CTNND2: variants seen among roughly 807,000 people sequenced by gnomAD.
The protein encoded by CTNND2 is catenin delta-2.
CTNND2 carries 22 observed loss-of-function variants against 144.4 expected under a neutral mutation model. That is an observed-to-expected ratio of 0.15 (90% CI 0.11 to 0.22). The LOEUF (loss-of-function observed/expected upper bound fraction) is 0.22, where lower values mean the gene tolerates loss of function less well. Ranked by LOEUF, CTNND2 falls within the 10% of genes least tolerant of loss-of-function variation. The pLI is 1.00. For missense variants in CTNND2, 1,353 were observed against 1,618.8 expected (o/e 0.84, Z 2.82); for synonymous variants, 751 against 695.6 (o/e 1.08, Z -1.25).
chr5:11,859,885 T>C (rs1795424434), intron 1 of CTNND2, among the ~76,000 whole-genome samples: 1 of 152,164 alleles, frequency 6.6e-6, no homozygotes, highest in African/African-American at 2.4e-5. Context: ...TTAACACCTA[T>C]ACTTACCACA....
rs192374881 is a variant in CTNND2, at chr5:11,741,056, A to C, written c.38-8784T>G. Among the ~76,000 whole-genome samples, 650 of 152,350 alleles carry C rather than the reference A, an allele frequency of 4.3e-3. 8 individuals are homozygous for C. Among genetic ancestry groups the C allele is most frequent in the African/African-American group, 0.015 (629 of 41,580 alleles). On this transcript the variant is annotated intron_variant, in intron 1 of 21. Coordinates refer to ENST00000304623, the MANE Select transcript of CTNND2 (RefSeq NM_001332.4). ...CCAGTTAGAATGGCGATCATTAAAA[A>C]GTCAGGAAACAACAGATGCTGGAGA...
Position 11,018,071 on chromosome 5 carries a change from A to G in CTNND2, c.3000-13T>C. 4 of 1,600,400 alleles carry G rather than the reference A, an allele frequency of 2.5e-6. No homozygotes were observed. Among genetic ancestry groups the G allele is most frequent in the Non-Finnish European group, 2.6e-6 (3 of 1,167,792 alleles). ...TTTTGGAGAGTGTCTGATGAAGAAA[A>G]GACAGGAAAGGCAAGATGTGAGTGG... On this transcript the variant is annotated splice_polypyrimidine_tract_variant and intron_variant, in intron 17 of 21. Coordinates refer to ENST00000304623, the MANE Select transcript of CTNND2 (RefSeq NM_001332.4).
intron 1 of CTNND2, among the ~76,000 whole-genome samples, chr5:11,823,527 C>T (rs375798066): frequency 7.9e-5 from 12 of 152,036 alleles, no homozygotes; most frequent in Admixed American, 6.5e-4. Context: ...ATGATAAAAA[C>T]GTAAATATCA....
chr5:11,855,524 G>C (rs142127185), intron 1 of CTNND2, among the ~76,000 whole-genome samples: 1 of 152,248 alleles, frequency 6.6e-6, no homozygotes, highest in Non-Finnish European at 1.5e-5. Flanking sequence ...AAGACCAGTG[G>C]AGAGGAGATC....
chr5:11,517,922 G>A (rs553043552), intron 3 of CTNND2, among the ~76,000 whole-genome samples: 7 of 152,054 alleles, frequency 4.6e-5, no homozygotes, highest in South Asian at 4.2e-4. Context: ...TTAGATCTTC[G>A]GACACAGACA....
At chr5:11,795,542 T>G (rs1051202923) in intron 1 of CTNND2, among the ~76,000 whole-genome samples, 4 of 151,524 alleles carry the variant, frequency 2.6e-5, no homozygotes, top group African/African-American at 9.7e-5. Context: ...CAGTGAGGAG[T>G]CAGATTCCAT....
chr5:11,022,746 T>C, intron 17 of CTNND2, 23 bp downstream of exon 17: 1 of 1,597,784 alleles, frequency 6.3e-7, no homozygotes, highest in Non-Finnish European at 8.6e-7. Context: ...AGGACAGAGA[T>C]ATGGCGTCAC....
At chr5:11,771,512 G>T (rs1325875815) in intron 1 of CTNND2, among the ~76,000 whole-genome samples, 1 of 152,064 alleles carries the variant, frequency 6.6e-6, no homozygotes, top group African/African-American at 2.4e-5. Context: ...TTAGAGAAAA[G>T]TCAATGTTAA....
intron 3 of CTNND2, among the ~76,000 whole-genome samples, chr5:11,529,832 C>T (rs1425046472): frequency 1.3e-5 from 2 of 151,996 alleles, no homozygotes; most frequent in African/African-American, 4.8e-5. Flanking sequence ...GGTTTATTGT[C>T]TTTAAAATTA....
At chr5:11,258,586 TG>T (rs1370197052) in intron 9 of CTNND2, among the ~76,000 whole-genome samples, 4 of 152,236 alleles carry the variant, frequency 2.6e-5, no homozygotes, top group African/African-American at 9.7e-5. Context: ...AGTTTCGCTT[TG>T]TCTACTCTTT....
rs74289275 is a variant in CTNND2, at chr5:11,514,834, G to A, written c.287+50110C>T. Among the ~76,000 whole-genome samples, 1,080 of 152,170 alleles carry A rather than the reference G, an allele frequency of 7.1e-3. 11 individuals are homozygous for A. Among genetic ancestry groups the A allele is most frequent in the Non-Finnish European group, 0.012 (832 of 68,012 alleles). On this transcript the variant is annotated intron_variant, in intron 3 of 21. Transcript: ENST00000304623. ...TATTTCTTTCTTGAGACTTAGTCCC[G>A]CTCTGTCGCCCAAGATGGAGTGCAG... is the stretch of plus-strand genomic sequence containing the variant.
At chr5:11,721,397 G>A (rs1224885253) in intron 2 of CTNND2, among the ~76,000 whole-genome samples, 1 of 152,036 alleles carries the variant, frequency 6.6e-6, no homozygotes, top group Non-Finnish European at 1.5e-5. Flanking sequence ...TTCACCCCAG[G>A]CTACATAGAA....
intron 12 of CTNND2, among the ~76,000 whole-genome samples, chr5:11,155,869 T>A (rs1758173543): frequency 6.6e-6 from 1 of 152,236 alleles, no homozygotes. Flanking sequence ...ATTTTACATT[T>A]CATATGTGCT....
rs115121604 is a variant in CTNND2 at position 11,309,090 on chromosome 5, G to A, written c.1628+37282C>T. Among the ~76,000 whole-genome samples, 434 of 152,318 alleles carry A rather than the reference G, an allele frequency of 2.8e-3. 4 individuals carry two copies. Among genetic ancestry groups the A allele is most frequent in the Middle Eastern group, 0.01 (3 of 294 alleles). ...TCCTGTCTTCCAACATTGGGGATTCGAATTTGACATGAGATTTGGGCAGGG... is the reference window on the plus strand; with the variant it reads ...TCCTGTCTTCCAACATTGGGGATTCAAATTTGACATGAGATTTGGGCAGGG... On this transcript the variant is annotated intron_variant, in intron 9 of 21. Coordinates refer to ENST00000304623, the MANE Select transcript of CTNND2 (RefSeq NM_001332.4).
rs1475310094 is a variant in CTNND2 at position 11,799,580 on chromosome 5, T to A, written c.38-67308A>T. Among the ~76,000 whole-genome samples the A allele has an allele frequency of 9.9e-5, 15 of 152,176 alleles. 1 individual carries two copies. The highest frequency in any genetic ancestry group is 9.2e-4 in the Admixed American group (14 of 15,274). ...TTGTTCACTGACACAATATACAGAC[T>A]TTTTTGTGGAATTTAATAGGAAAAG... On this transcript the variant is annotated intron_variant, in intron 1 of 21. Transcript: ENST00000304623.
chr5:11,161,878 G>A (rs1758793472), intron 11 of CTNND2, among the ~76,000 whole-genome samples: 1 of 152,164 alleles, frequency 6.6e-6, no homozygotes, highest in Non-Finnish European at 1.5e-5. Context: ...CAGGCAGGGT[G>A]CAATGGCTCA....
rs145132767 is a variant in CTNND2 at position 11,199,119 on chromosome 5, G to A, written c.1975+329C>T. Among the ~76,000 whole-genome samples, 13 of 152,244 alleles carry A rather than the reference G, an allele frequency of 8.5e-5. No individual in the cohort carries two copies. In the East Asian group the frequency reaches 2.5e-3, roughly 29 times the overall value. ...TTATTAGCAAAAACTGACACACCTTGTCCTTTGATCAATTATTATTAATGC... is the reference window on the plus strand; with the variant it reads ...TTATTAGCAAAAACTGACACACCTTATCCTTTGATCAATTATTATTAATGC... On this transcript the variant is annotated intron_variant, in intron 11 of 21. Transcript: ENST00000304623.
intron 2 of CTNND2, among the ~76,000 whole-genome samples, chr5:11,688,458 T>G (rs1356920019): frequency 6.6e-6 from 1 of 152,204 alleles, no homozygotes; most frequent in African/African-American, 2.4e-5. Context: ...GAAATAAGCA[T>G]ATGCCTTCCG....
intron 9 of CTNND2, among the ~76,000 whole-genome samples, chr5:11,305,257 G>A (rs568640716): frequency 6.6e-6 from 1 of 152,330 alleles, no homozygotes; most frequent in East Asian, 1.9e-4. Flanking sequence ...AAGCATTTAA[G>A]TGGATTCCCC....
Sources: allele counts gnomAD v4.1 joint callset (sites outside exome capture counted in the v4.1 genomes callset), GRCh38; gene constraint gnomAD v4.1.1; transcripts MANE v1.5; gene names NCBI Gene and HGNC (gene_info 2026-07-23, HGNC 2026-07-21).